Variants in CEP128 observed in about 807,000 individuals in gnomAD.
CEP128 encodes the protein centrosomal protein 128kDa.
A neutral mutation model predicts 156.7 loss-of-function variants in CEP128; 132 were observed. That is an observed-to-expected ratio of 0.84 (90% CI 0.73 to 0.97). The LOEUF (loss-of-function observed/expected upper bound fraction) is 0.97, where lower values mean the gene tolerates loss of function less well. CEP128 is among the 50% of genes least tolerant of loss of function. CEP128 has a pLI of 0.00. For synonymous variants in CEP128, 469 were observed against 448.9 expected, an observed-to-expected ratio of 1.04 and a Z score of -0.57; for missense variants, 1,252 against 1,281.9, an observed-to-expected ratio of 0.98 and a Z score of 0.36.
intron 13 of CEP128, among the ~76,000 whole-genome samples, chr14:80,829,985 G>A (rs565282931): frequency 6.6e-6 from 1 of 152,122 alleles, no homozygotes; most frequent in African/African-American, 2.4e-5. Flanking sequence ...CCAATGTGTG[G>A]TTATGAACAT....
chr14:80,913,310 G>T (rs372239713), intron 4 of CEP128, among the ~76,000 whole-genome samples: 25 of 152,188 alleles, frequency 1.6e-4, no homozygotes, highest in Middle Eastern at 3.4e-3. Flanking sequence ...TCATACTATG[G>T]AATACGGTAT....
intron 19 of CEP128, among the ~76,000 whole-genome samples, chr14:80,667,857 CAAAAAA>C (rs3070047): frequency 1.1e-4 from 10 of 90,044 alleles, no homozygotes; most frequent in African/African-American, 3.9e-4. Context: ...GACTCCATCT[CAAAAAA>C]AAAAAAAAAA....
At chr14:80,559,207 G>T (rs1199560532) in intron 21 of CEP128, 72 bp downstream of exon 21, 2 of 1,279,106 alleles carry the variant, frequency 1.6e-6, no homozygotes, top group African/African-American at 1.5e-5. Flanking sequence ...GTTTCCTTTG[G>T]TGTGCTGTGA....
intron 19 of CEP128, among the ~76,000 whole-genome samples, chr14:80,673,714 G>A (rs142996150): frequency 0.01 from 1,456 of 140,880 alleles, 11 homozygotes; most frequent in Non-Finnish European, 0.017. Context: ...ACGTAAAACC[G>A]CTTACAACCT....
intron 22 of CEP128, 128 bp downstream of exon 22, chr14:80,530,681 G>A: frequency 2.0e-6 from 1 of 508,436 alleles, no homozygotes; most frequent in African/African-American, 2.0e-5. Flanking sequence ...TGATAAGGTG[G>A]TATGTTAAAA....
intron 16 of CEP128, among the ~76,000 whole-genome samples, chr14:80,769,534 A>G (rs172909): frequency 0.5 from 75,402 of 151,676 alleles, 19,343 homozygotes; most frequent in African/African-American, 0.6. Context: ...GCAATAGTTT[A>G]CTGAGAATGA....
intron 19 of CEP128, among the ~76,000 whole-genome samples, chr14:80,702,846 G>A (rs536065814): frequency 1.3e-5 from 2 of 151,366 alleles, no homozygotes; most frequent in African/African-American, 4.8e-5. Flanking sequence ...TCATTATCAG[G>A]AAAAAAAATT....
intron 19 of CEP128, among the ~76,000 whole-genome samples, chr14:80,659,871 T>G (rs74066062): frequency 0.014 from 2,089 of 152,278 alleles, 41 homozygotes; most frequent in African/African-American, 0.044. Flanking sequence ...TTCTCAATTA[T>G]CATGACGGAT....
At chr14:80,547,214 C>A (rs1411511229) in intron 21 of CEP128, among the ~76,000 whole-genome samples, 1 of 152,162 alleles carries the variant, frequency 6.6e-6, no homozygotes, top group African/African-American at 2.4e-5. Flanking sequence ...TATGAAACTC[C>A]ATTTACCAGT....
chr14:80,882,065 A>G (rs1888577391), intron 8 of CEP128, among the ~76,000 whole-genome samples: 1 of 152,184 alleles, frequency 6.6e-6, no homozygotes, highest in Non-Finnish European at 1.5e-5. Flanking sequence ...AGGCAATCAG[A>G]GCAAAAATGA....
intron 19 of CEP128, among the ~76,000 whole-genome samples, chr14:80,680,288 G>A (rs1451091659): frequency 6.6e-6 from 1 of 152,142 alleles, no homozygotes; most frequent in East Asian, 1.9e-4. Context: ...GCCCAAGTAT[G>A]CTCCCCTCAG....
intron 19 of CEP128, among the ~76,000 whole-genome samples, chr14:80,625,207 C>T (rs1421226101): frequency 1.3e-5 from 2 of 152,102 alleles, no homozygotes; most frequent in African/African-American, 4.8e-5. Flanking sequence ...ATTAACGAGA[C>T]ACATTGGGGA....
intron 19 of CEP128, among the ~76,000 whole-genome samples, chr14:80,676,723 A>AT (rs1179334867): frequency 6.6e-6 from 1 of 152,070 alleles, no homozygotes; most frequent in East Asian, 1.9e-4. Flanking sequence ...ATTTATTAAG[A>AT]TTTTTTGTAA....
chr14:80,842,565 A>G (rs918273385), intron 9 of CEP128, among the ~76,000 whole-genome samples: 5 of 152,036 alleles, frequency 3.3e-5, no homozygotes, highest in Non-Finnish European at 7.4e-5. Context: ...AGATATTTTT[A>G]AATCAACCAA....
At chr14:80,506,891 G>A (rs573025052) in intron 23 of CEP128, among the ~76,000 whole-genome samples, 2 of 152,078 alleles carry the variant, frequency 1.3e-5, no homozygotes, top group Non-Finnish European at 2.9e-5. Flanking sequence ...ATGTTGAAGT[G>A]TACTCCCCAG....
intron 19 of CEP128, among the ~76,000 whole-genome samples, chr14:80,711,528 T>C (rs181717735): frequency 6.6e-6 from 1 of 151,946 alleles, no homozygotes; most frequent in Non-Finnish European, 1.5e-5. Context: ...CTCATGTAGA[T>C]AGAGAGCACA....
intron 19 of CEP128, among the ~76,000 whole-genome samples, chr14:80,648,328 T>C (rs1326237013): frequency 6.6e-6 from 1 of 152,124 alleles, no homozygotes; most frequent in Non-Finnish European, 1.5e-5. Flanking sequence ...ATCAAGTGGC[T>C]TGACAGATAT....
intron 16 of CEP128, among the ~76,000 whole-genome samples, chr14:80,769,690 C>G (rs1276460195): frequency 6.6e-6 from 1 of 152,078 alleles, no homozygotes; most frequent in Non-Finnish European, 1.5e-5. Context: ...ATTTTTTAAA[C>G]TTAAAAATGA....
intron 9 of CEP128, among the ~76,000 whole-genome samples, chr14:80,860,878 C>T (rs139447723): frequency 2.0e-4 from 30 of 152,136 alleles, no homozygotes; most frequent in African/African-American, 5.5e-4. Flanking sequence ...TACAAGCACA[C>T]ATAAGTGTAT....
Sources: allele counts gnomAD v4.1 joint callset (sites outside exome capture counted in the v4.1 genomes callset), GRCh38; gene constraint gnomAD v4.1.1; transcripts MANE v1.5; gene names NCBI Gene and HGNC (gene_info 2026-07-23, HGNC 2026-07-21).